Variants in LRRFIP1 observed in about 807,000 individuals in gnomAD.
LRRFIP1 encodes the protein leucine-rich repeat flightless-interacting protein 1.
LRRFIP1 carries 62 observed loss-of-function variants against 104.4 expected under a neutral mutation model. That is an observed-to-expected ratio of 0.59 (90% CI 0.48 to 0.73). The LOEUF (loss-of-function observed/expected upper bound fraction) is 0.73, where lower values mean the gene tolerates loss of function less well. LRRFIP1 is among the 30% of genes least tolerant of loss of function. LRRFIP1 has a pLI of 0.00. For missense variants in LRRFIP1, 796 were observed against 824.5 expected, an observed-to-expected ratio of 0.97 and a Z score of 0.42; for synonymous variants, 300 against 299.0, an observed-to-expected ratio of 1.00 and a Z score of -0.03.
chr2:237,691,663 T>TA lies in LRRFIP1; in HGVS notation c.97-16880dup, dbSNP rs2092763145. On this transcript the variant is annotated intron_variant, in intron 1 of 23. Coordinates refer to ENST00000308482, the MANE Select transcript of LRRFIP1 (RefSeq NM_001137550.2). This position sits in a 1 kb window ranked among gnomAD's most constrained non-coding sequence, Gnocchi z 5.4. ...TGGATGTGGGGGAGCCGGGAACTCA[T>TA]ACCCTCGCCCAGCCCCGGGCAGGTC... Among the ~76,000 whole-genome samples the TA allele has an allele frequency of 1.6e-5, 2 of 122,714 alleles. No individual in the cohort carries two copies. The highest frequency in any genetic ancestry group is 4.3e-4 in the East Asian group (2 of 4,668). The allele number at this position is 122,714 out of a possible 152,430, so 80.5% of individuals were successfully genotyped here.
rs2060284703 is a variant in LRRFIP1 at position 237,766,948 on chromosome 2, T to C, written c.1460-2995T>C. On this transcript the variant is annotated intron_variant, in intron 19 of 23. Transcript: ENST00000308482. This position sits in a 1 kb window ranked among gnomAD's most constrained non-coding sequence, Gnocchi z 4.8. ...CACGTGGGAGGCCGAGGCAGGCAGA[T>C]CACTTAAGCCCAGGAGTTCAAGCCC... 6.6e-6 allele frequency among the ~76,000 whole-genome samples: 1 copy of C among 152,108 alleles called. No homozygotes were observed. The highest frequency in any genetic ancestry group is 6.6e-5 in the Admixed American group (1 of 15,266).
At chr2:237,657,429 G>A (rs1037078597) in intron 1 of LRRFIP1, among the ~76,000 whole-genome samples, 3 of 152,192 alleles carry the variant, frequency 2.0e-5, no homozygotes, top group Non-Finnish European at 4.4e-5. Flanking sequence ...AGTCACTACT[G>A]AAACAGTCTA....
At chr2:237,662,200 G>C (rs1001560512) in intron 1 of LRRFIP1, among the ~76,000 whole-genome samples, 1 of 152,064 alleles carries the variant, frequency 6.6e-6, no homozygotes, top group Non-Finnish European at 1.5e-5. Context: ...CCGTCTCCAC[G>C]TGGCCCCCTC....
At chr2:237,728,743 A>C (rs1336080152) in intron 8 of LRRFIP1, among the ~76,000 whole-genome samples, 1 of 151,742 alleles carries the variant, frequency 6.6e-6, no homozygotes, top group Admixed American at 6.6e-5. Context: ...ATTTATCTTA[A>C]TTATGTTATA....
intron 1 of LRRFIP1, among the ~76,000 whole-genome samples, chr2:237,673,922 G>A (rs1197084998): frequency 1.3e-5 from 2 of 151,660 alleles, no homozygotes; most frequent in East Asian, 3.9e-4. Flanking sequence ...TGTGCAGAGC[G>A]CGTCTACAAA....
intron 2 of LRRFIP1, among the ~76,000 whole-genome samples, chr2:237,713,308 C>T (rs1316654959): frequency 1.3e-5 from 2 of 152,144 alleles, no homozygotes; most frequent in Admixed American, 6.5e-5. Context: ...ACTCTAGCTG[C>T]GTTCCGGGGT....
chr2:237,769,240 A>G (rs1576408899), intron 19 of LRRFIP1: 1 of 152,240 alleles, frequency 6.6e-6, no homozygotes, highest in Middle Eastern at 3.4e-3. Flanking sequence ...AAACCTCTAA[A>G]CCCTCCCCTA....
In LRRFIP1 at chr2:237,720,754, C is replaced by T. The variant is rs200066852; in HGVS notation, c.295-18C>T. ...TGTATGATTCCTTCACGGTTGTTCT[C>T]GTCCTTTCTTTTAATAGGCTTCTGA... On this transcript the variant is annotated intron_variant, in intron 5 of 23. Transcript: ENST00000308482. 1.5e-4 allele frequency: 241 copies of T among 1,612,264 alleles called. No individual in the cohort carries two copies. Among genetic ancestry groups the T allele is most frequent in the Middle Eastern group, 6.6e-4 (4 of 6,084 alleles).
intron 1 of LRRFIP1, among the ~76,000 whole-genome samples, chr2:237,694,348 G>A (rs1252349339): frequency 6.6e-6 from 1 of 152,164 alleles, no homozygotes; most frequent in Admixed American, 6.5e-5. Flanking sequence ...TTGGTAAATG[G>A]TAGCAAAAAC....
chr2:237,639,711 C>T (rs2083640048), intron 1 of LRRFIP1, among the ~76,000 whole-genome samples: 1 of 152,160 alleles, frequency 6.6e-6, no homozygotes, highest in Non-Finnish European at 1.5e-5. Flanking sequence ...CATGGTCTTC[C>T]AACTCTTCAT....
intron 1 of LRRFIP1, among the ~76,000 whole-genome samples, chr2:237,674,318 G>A (rs1464972738): frequency 6.6e-6 from 1 of 152,230 alleles, no homozygotes; most frequent in African/African-American, 2.4e-5. Context: ...GCCCGCAGAT[G>A]AGCAGGGGCA....
At chr2:237,631,324 G>A (rs1291727779) in intron 1 of LRRFIP1, among the ~76,000 whole-genome samples, 3 of 152,214 alleles carry the variant, frequency 2.0e-5, no homozygotes, top group African/African-American at 7.2e-5. Flanking sequence ...GCAGGGCTTT[G>A]CACTCTTCTG....
chr2:237,723,371 A>G (rs935886487), intron 6 of LRRFIP1, among the ~76,000 whole-genome samples, 177 bp from the exon 7 acceptor site: 2 of 152,228 alleles, frequency 1.3e-5, no homozygotes, highest in African/African-American at 2.4e-5. Context: ...TGTGGTAGCT[A>G]CCATTCTGAC....
At chr2:237,729,669 T>C (rs1024705826) in intron 8 of LRRFIP1, 9 of 254,728 alleles carry the variant, frequency 3.5e-5, no homozygotes, top group Non-Finnish European at 4.3e-5. Flanking sequence ...GGGCTCCTAG[T>C]GTTGGCTCGG....
rs72975024 is a variant in LRRFIP1, at chr2:237,653,288, G to C, written c.96+25548G>C. Among the ~76,000 whole-genome samples, 359 of 152,194 alleles carry C rather than the reference G, an allele frequency of 2.4e-3. 1 individual carries two copies. Among genetic ancestry groups the C allele is most frequent in the Non-Finnish European group, 4.1e-3 (282 of 68,014 alleles). On this transcript the variant is annotated intron_variant, in intron 1 of 23. Transcript: ENST00000308482. ...AATAGCTACAAAAAAAGCACTTTAG[G>C]ATTAAATGTAAACAAGGAGGTGAAG... is the stretch of plus-strand genomic sequence containing the variant.
chr2:237,676,645 A>G (rs2091201283), intron 1 of LRRFIP1, among the ~76,000 whole-genome samples: 1 of 152,206 alleles, frequency 6.6e-6, no homozygotes, highest in Non-Finnish European at 1.5e-5. Context: ...AGCTGGAATT[A>G]TAGATGGGCA....
rs1164011701 is a variant in LRRFIP1, at chr2:237,751,236, G to C, written c.832G>C (p.Glu278Gln). 1 of 1,610,594 alleles carries C rather than the reference G, an allele frequency of 6.2e-7. No individual in the cohort carries two copies. Among genetic ancestry groups the C allele is most frequent in the Non-Finnish European group, 8.5e-7 (1 of 1,178,576 alleles). Residue 278 changes from glutamate (E) to glutamine (Q), a missense_variant, in exon 14 of 24, where the codon GAA (glutamate) becomes CAA (glutamine). Coordinates refer to ENST00000308482, the MANE Select transcript of LRRFIP1 (RefSeq NM_001137550.2). ...GTTAAAGGACCAGATTCAGGATGTA[G>C]AAGGCAAATACATGCAGGGATTGAA... ...NELKDQIQDV[E>Q]GKYMQGLKEM...
intron 11 of LRRFIP1, among the ~76,000 whole-genome samples, chr2:237,747,578 C>G (rs958705660): frequency 1.3e-5 from 2 of 152,210 alleles, no homozygotes; most frequent in Non-Finnish European, 2.9e-5. Context: ...TATGAATTAT[C>G]TCTGTGTGAG....
intron 11 of LRRFIP1, among the ~76,000 whole-genome samples, chr2:237,744,016 G>A (rs959173677): frequency 7.2e-5 from 11 of 152,186 alleles, no homozygotes; most frequent in Admixed American, 2.0e-4. Context: ...TCAGATCTCT[G>A]CCCATTTGGA....
Sources: gnomAD v4.1 joint callset for allele counts (sites outside exome capture counted in the v4.1 genomes callset) on GRCh38, gnomAD v4.1.1 for gene constraint, Gnocchi (gnomAD v3.1) non-coding constraint, MANE v1.5 for transcripts, NCBI Gene and HGNC (gene_info 2026-07-23, HGNC 2026-07-21) for gene names.